DPP10: variants seen among roughly 807,000 people sequenced by gnomAD.
DPP10 encodes dipeptidyl peptidase like 10.
A neutral mutation model predicts 120.9 loss-of-function variants in DPP10; 33 were observed. That is an observed-to-expected ratio of 0.27 (90% CI 0.21 to 0.37). The LOEUF (loss-of-function observed/expected upper bound fraction) is 0.37. Among genes scored for constraint, DPP10 ranks in the 10% least tolerant of loss-of-function variants. The pLI, the probability that DPP10 is intolerant of heterozygous loss-of-function variation, is 1.00. For missense variants in DPP10, 816 were observed against 942.8 expected, an observed-to-expected ratio of 0.87 and a Z score of 1.76; for synonymous variants, 337 against 326.1, an observed-to-expected ratio of 1.03 and a Z score of -0.36.
chr2:115,816,977 G>A (rs372480047), intron 21 of DPP10, among the ~76,000 whole-genome samples: 401 of 150,914 alleles, frequency 2.7e-3, no homozygotes, highest in Non-Finnish European at 4.7e-3. Context: ...GGCCAGGCGC[G>A]GTGGCTCACG....
chr2:115,381,178 T>G (rs558518739), intron 3 of DPP10, among the ~76,000 whole-genome samples: 7 of 152,324 alleles, frequency 4.6e-5, no homozygotes, highest in African/African-American at 1.7e-4. Flanking sequence ...TCCCCGTCAC[T>G]TTCACGTACA....
intron 21 of DPP10, among the ~76,000 whole-genome samples, chr2:115,817,029 A>G (rs1031682019): frequency 1.3e-4 from 19 of 150,332 alleles, no homozygotes; most frequent in Non-Finnish European, 2.4e-4. Context: ...CGGGAGGATC[A>G]TGAGGTCAGG....
chr2:114,726,395 C>A (rs549635580), intron 1 of DPP10, among the ~76,000 whole-genome samples: 2 of 152,178 alleles, frequency 1.3e-5, no homozygotes, highest in South Asian at 4.1e-4. Flanking sequence ...ACCTCCTTAA[C>A]TTGTCATAAA....
At chr2:115,353,181 G>A (rs1329050948) in intron 3 of DPP10, among the ~76,000 whole-genome samples, 2 of 152,032 alleles carry the variant, frequency 1.3e-5, no homozygotes, top group African/African-American at 4.8e-5. Context: ...GGTTGGAGTC[G>A]TCTTTATGGA....
chr2:114,789,780 G>C (rs1683087549), intron 1 of DPP10, among the ~76,000 whole-genome samples: 1 of 152,234 alleles, frequency 6.6e-6, no homozygotes, highest in South Asian at 2.1e-4. Flanking sequence ...ACCCAAGGCA[G>C]TGTGATATAC....
At chr2:115,197,327 G>A (rs1432151373) in intron 1 of DPP10, among the ~76,000 whole-genome samples, 1 of 151,824 alleles carries the variant, frequency 6.6e-6, no homozygotes, top group Admixed American at 6.6e-5. Flanking sequence ...GGGAGGCGGA[G>A]GTTGCAGTGA....
chr2:115,411,905 C>G (rs2068984399), intron 3 of DPP10, among the ~76,000 whole-genome samples: 1 of 152,172 alleles, frequency 6.6e-6, no homozygotes, highest in Admixed American at 6.5e-5. Context: ...ATGATTCTCT[C>G]TGTTCCTTAA....
chr2:114,910,540 T>A (rs1446404899), intron 1 of DPP10, among the ~76,000 whole-genome samples: 1 of 152,104 alleles, frequency 6.6e-6, no homozygotes, highest in Non-Finnish European at 1.5e-5. Flanking sequence ...TCATTTCTAA[T>A]CTAATAATAT....
chr2:114,930,096 A>T (rs1695957044), intron 1 of DPP10, among the ~76,000 whole-genome samples: 1 of 152,072 alleles, frequency 6.6e-6, no homozygotes, highest in South Asian at 2.1e-4. Context: ...TGGGCTTGTG[A>T]TGTGGGGGCA....
intron 19 of DPP10, among the ~76,000 whole-genome samples, chr2:115,801,219 T>G (rs1685196775): frequency 6.6e-6 from 1 of 152,214 alleles, no homozygotes; most frequent in East Asian, 1.9e-4. Context: ...AGTTCACTCA[T>G]GATTTGGCTC....
chr2:115,486,183 T>C (rs1235615535), intron 3 of DPP10, among the ~76,000 whole-genome samples: 1 of 152,118 alleles, frequency 6.6e-6, no homozygotes, highest in Non-Finnish European at 1.5e-5. Context: ...TTCTATCACC[T>C]TTTGTATGTC....
chr2:115,066,474 G>A, intron 1 of DPP10, among the ~76,000 whole-genome samples: 1 of 152,056 alleles, frequency 6.6e-6, no homozygotes, highest in South Asian at 2.1e-4. Context: ...GGATCTAATG[G>A]GAGTCTTAAG....
chr2:115,142,981 T>C (rs923315579), intron 1 of DPP10, among the ~76,000 whole-genome samples: 1 of 147,256 alleles, frequency 6.8e-6, no homozygotes, highest in African/African-American at 2.6e-5. Context: ...GAACTTCAAC[T>C]TTTTTTAAGG....
intron 1 of DPP10, among the ~76,000 whole-genome samples, chr2:115,012,847 T>C (rs1326342885): frequency 2.0e-5 from 3 of 152,082 alleles, no homozygotes; most frequent in African/African-American, 7.2e-5. Context: ...AGAAAAAGAA[T>C]TCAGGTCAAT....
intron 5 of DPP10, among the ~76,000 whole-genome samples, chr2:115,641,871 A>G (rs186572130): frequency 9.2e-4 from 140 of 152,312 alleles, no homozygotes; most frequent in African/African-American, 3.3e-3. Context: ...GTTACCAAGT[A>G]TCAACCTTTT....
At chr2:114,646,069 A>G (rs1696100369) in intron 1 of DPP10, among the ~76,000 whole-genome samples, 1 of 152,022 alleles carries the variant, frequency 6.6e-6, no homozygotes, top group East Asian at 1.9e-4. Context: ...CCGAGGCAGG[A>G]GAATTGCTTG....
chr2:115,542,374 T>G (rs1225377016), intron 5 of DPP10, among the ~76,000 whole-genome samples: 1 of 151,994 alleles, frequency 6.6e-6, no homozygotes, highest in Non-Finnish European at 1.5e-5. Flanking sequence ...TCCAACATAA[T>G]GCCCTTAAGT....
intron 1 of DPP10, among the ~76,000 whole-genome samples, chr2:115,088,025 C>T (rs1708869449): frequency 6.6e-6 from 1 of 152,150 alleles, no homozygotes. Flanking sequence ...ATGAAGGCTC[C>T]AGAAAATTCA....
At chr2:115,585,069 C>T (rs185495726) in intron 5 of DPP10, among the ~76,000 whole-genome samples, 1 of 152,062 alleles carries the variant, frequency 6.6e-6, no homozygotes, top group Non-Finnish European at 1.5e-5. Flanking sequence ...GTAGCAATAA[C>T]CTTATTACAG....
Sources: allele counts gnomAD v4.1 joint callset (sites outside exome capture counted in the v4.1 genomes callset), GRCh38; gene constraint gnomAD v4.1.1; transcripts MANE v1.5; gene names NCBI Gene and HGNC (gene_info 2026-07-23, HGNC 2026-07-21).